ADARB2: variants seen among roughly 807,000 people sequenced by gnomAD.
ADARB2 encodes the protein adenosine deaminase RNA specific B2 (inactive).
ADARB2 carries 25 observed loss-of-function variants against 62.2 expected under a neutral mutation model. The ratio of observed to expected loss-of-function variants is 0.40; its 90% CI spans 0.29 to 0.56. The LOEUF is 0.56. ADARB2 is among the 20% of genes least tolerant of loss of function. The pLI, the probability that ADARB2 is intolerant of heterozygous loss-of-function variation, is 0.43. For synonymous variants in ADARB2, 572 were observed against 500.8 expected (o/e 1.14, Z -1.90); for missense variants, 1,071 against 1,077.4 (o/e 0.99, Z 0.08).
intron 3 of ADARB2, among the ~76,000 whole-genome samples, chr10:1,283,609 T>C (rs1241370733): frequency 6.6e-6 from 1 of 152,226 alleles, no homozygotes; most frequent in Non-Finnish European, 1.5e-5. Context: ...GTGTCCTTCA[T>C]GTGGCTTATT....
chr10:1,367,665 C>T (rs1231208309), intron 2 of ADARB2, among the ~76,000 whole-genome samples: 1 of 152,110 alleles, frequency 6.6e-6, no homozygotes, highest in African/African-American at 2.4e-5. Flanking sequence ...CAAGATCAAC[C>T]CCCCAACCCC....
At chr10:1,440,773 A>C (rs553830900) in intron 1 of ADARB2, among the ~76,000 whole-genome samples, 1 of 152,342 alleles carries the variant, frequency 6.6e-6, no homozygotes, top group African/African-American at 2.4e-5. Context: ...GAACAAATGC[A>C]TGAAATGCCA....
intron 1 of ADARB2, among the ~76,000 whole-genome samples, chr10:1,666,327 CCA>C (rs1314534454): frequency 2.0e-5 from 3 of 152,244 alleles, no homozygotes; most frequent in African/African-American, 7.2e-5. Context: ...GCATCTGAAT[CCA>C]CATTCTCCTG....
intron 1 of ADARB2, among the ~76,000 whole-genome samples, chr10:1,496,830 T>C (rs1318019687): frequency 6.6e-6 from 1 of 152,204 alleles, no homozygotes; most frequent in Non-Finnish European, 1.5e-5. Flanking sequence ...ATTATGTAAC[T>C]TAACTTTCCT....
rs149976602 is a variant in ADARB2, at chr10:1,352,421, G to C, written c.1077+10607C>G. Among the ~76,000 whole-genome samples, 761 of 152,152 alleles carry C rather than the reference G, an allele frequency of 5.0e-3. 7 individuals carry two copies. Among genetic ancestry groups the C allele is most frequent in the African/African-American group, 0.017 (710 of 41,506 alleles). ...CTTGAAGACAGCTTTAGAGACTGCC[G>C]CCACCCTAGCTCTCCCTGACTCATC... On this transcript the variant is annotated intron_variant, in intron 3 of 9. Transcript: ENST00000381312.
At chr10:1,499,198 A>G (rs1174886408) in intron 1 of ADARB2, among the ~76,000 whole-genome samples, 1 of 151,304 alleles carries the variant, frequency 6.6e-6, no homozygotes, top group Non-Finnish European at 1.5e-5. Flanking sequence ...ATCACTTATC[A>G]TTACTTAACA....
chr10:1,536,327 G>A (rs1246039703), intron 1 of ADARB2, among the ~76,000 whole-genome samples: 2 of 152,236 alleles, frequency 1.3e-5, no homozygotes, highest in Admixed American at 6.5e-5. Flanking sequence ...ATCCTAGTGG[G>A]CTGGATCTTG....
chr10:1,194,901 C>T (rs1314820560), intron 8 of ADARB2, among the ~76,000 whole-genome samples: 1 of 152,118 alleles, frequency 6.6e-6, no homozygotes, highest in Non-Finnish European at 1.5e-5. Flanking sequence ...TGGGTTTTAT[C>T]TCCTGTGTCT....
At chr10:1,613,210 C>T (rs1240779973) in intron 1 of ADARB2, among the ~76,000 whole-genome samples, 1 of 152,204 alleles carries the variant, frequency 6.6e-6, no homozygotes, top group African/African-American at 2.4e-5. Flanking sequence ...TTACAGGAAG[C>T]AACATGGTTC....
chr10:1,387,643 G>T (rs2805512), intron 1 of ADARB2, among the ~76,000 whole-genome samples: 141,749 of 152,020 alleles, frequency 0.93, 66,789 homozygotes, highest in Non-Finnish European at 1. Flanking sequence ...TAGGCTCAGA[G>T]AGCTCCCTCT....
rs1564295488 is a variant in ADARB2, at chr10:1,459,940, G to GTGTAA, written c.101-80781_101-80780insTTACA. On this transcript the variant is annotated intron_variant, in intron 1 of 9. Coordinates refer to ENST00000381312, the MANE Select transcript of ADARB2 (RefSeq NM_018702.4). ...ACCTGCCTGTGACCTGAGTTTACCT[G>GTGTAA]CGTTACGAACCTGCCTGTGACCTGA... is the stretch of plus-strand genomic sequence containing the variant. 9.3e-4 allele frequency among the ~76,000 whole-genome samples: 130 copies of GTGTAA among 139,472 alleles called. 1 individual carries two copies. The highest frequency in any genetic ancestry group is 3.6e-3 in the Middle Eastern group (1 of 280). The allele number at this position is 139,472 out of a possible 152,430, so 91.5% of individuals were successfully genotyped here.
At position 1,191,952 on chromosome 10, in the gene ADARB2, T is replaced by C. The variant is rs535845436; in HGVS notation, c.1865-6913A>G. ...AGCACTGCTTCAACTACCACCGTGA[T>C]CAGCACAACCACTGCTGTTACATCA... is the stretch of plus-strand genomic sequence containing the variant. On this transcript the variant is annotated intron_variant, in intron 8 of 9. Transcript: ENST00000381312. Among the ~76,000 whole-genome samples the C allele has an allele frequency of 2.0e-5, 3 of 152,308 alleles. No homozygotes were observed. The South Asian group carries it at 6.2e-4, about 32-fold the overall frequency.
At chr10:1,655,162 C>T (rs1444115300) in intron 1 of ADARB2, among the ~76,000 whole-genome samples, 1 of 152,202 alleles carries the variant, frequency 6.6e-6, no homozygotes, top group African/African-American at 2.4e-5. Flanking sequence ...AGGGTGTCCC[C>T]TGAGCCCTGA....
chr10:1,232,421 A>T (rs1010917951), intron 6 of ADARB2, among the ~76,000 whole-genome samples: 4 of 145,778 alleles, frequency 2.7e-5, no homozygotes, highest in Admixed American at 2.0e-4. Flanking sequence ...TGTGTGTGGT[A>T]TATGTGGTGT....
intron 1 of ADARB2, among the ~76,000 whole-genome samples, chr10:1,638,376 T>A (rs1833939100): frequency 6.6e-6 from 1 of 152,194 alleles, no homozygotes; most frequent in South Asian, 2.1e-4. Context: ...GTCACATATA[T>A]CTCTTAGCAT....
intron 1 of ADARB2, among the ~76,000 whole-genome samples, chr10:1,397,926 C>A (rs1832629071): frequency 7.1e-6 from 1 of 140,244 alleles, no homozygotes; most frequent in African/African-American, 2.7e-5. Context: ...CACCGTCCTC[C>A]TCTCCCCTCC....
At chr10:1,445,662 T>C (rs1288427343) in intron 1 of ADARB2, among the ~76,000 whole-genome samples, 1 of 152,244 alleles carries the variant, frequency 6.6e-6, no homozygotes, top group Admixed American at 6.5e-5. Flanking sequence ...ACTTATTTTT[T>C]AGTTGAGAAA....
Position 1,593,968 on chromosome 10 carries a change from G to A in ADARB2, c.100+143083C>T, listed in dbSNP as rs927498226. ...CCATAAGAGCCATCCAGTCAGCTGC[G>A]GCTTGTCCTCCTGATGTACTGACTT... On this transcript the variant is annotated intron_variant, in intron 1 of 9. Transcript: ENST00000381312. Among the ~76,000 whole-genome samples, 6 of 152,110 alleles carry A rather than the reference G, an allele frequency of 3.9e-5. No homozygotes were observed. The East Asian group carries it at 7.7e-4, about 20-fold the overall frequency.
chr10:1,690,547 TAC>T (rs1415299097), intron 1 of ADARB2, among the ~76,000 whole-genome samples: 1 of 152,162 alleles, frequency 6.6e-6, no homozygotes, highest in East Asian at 1.9e-4. Flanking sequence ...CCAGTCCTTC[TAC>T]AGTGCAAGGG....
Sources: gnomAD v4.1 joint callset for allele counts (sites outside exome capture counted in the v4.1 genomes callset) on GRCh38, gnomAD v4.1.1 for gene constraint, MANE v1.5 for transcripts, NCBI Gene and HGNC (gene_info 2026-07-23, HGNC 2026-07-21) for gene names.